Variants in LINGO2 observed in about 807,000 individuals in gnomAD.
The protein encoded by LINGO2 is leucine rich repeat and Ig domain containing 2, also known as leucine-rich repeat and immunoglobulin-like domain-containing nogo receptor-interacting protein 2.
A neutral mutation model predicts 30.6 loss-of-function variants in LINGO2; 14 were observed. The ratio of observed to expected loss-of-function variants is 0.46; its 90% CI spans 0.30 to 0.72. The LOEUF is 0.72. Among genes scored for constraint, LINGO2 ranks in the 30% least tolerant of loss-of-function variants. The pLI is 0.07. For missense variants in LINGO2, 729 were observed against 751.7 expected (o/e 0.97, Z 0.35); for synonymous variants, 317 against 288.5 (o/e 1.10, Z -1.00).
the LINGO2 span, among the ~76,000 whole-genome samples, chr9:29,107,095 T>C: frequency 2.0e-5 from 3 of 152,168 alleles, no homozygotes; most frequent in Non-Finnish European, 4.4e-5. Context: ...TAATCACTAA[T>C]TGCTTTATAT....
At chr9:28,350,812 G>C (rs1478008308) in intron 3 of LINGO2, among the ~76,000 whole-genome samples, 1,722 of 151,202 alleles carry the variant, frequency 0.011, 36 homozygotes, top group African/African-American at 0.04. Flanking sequence ...TCAGACCACA[G>C]TGCAATCAAA....
the LINGO2 span, among the ~76,000 whole-genome samples, chr9:29,104,473 T>C: frequency 5.3e-5 from 8 of 152,144 alleles, no homozygotes; most frequent in Non-Finnish European, 7.4e-5. Flanking sequence ...ATGCTTCCTG[T>C]ACAGCCTGCA....
chr9:28,831,914 C>T, the LINGO2 span, among the ~76,000 whole-genome samples: 2 of 152,096 alleles, frequency 1.3e-5, no homozygotes, highest in African/African-American at 4.8e-5. Flanking sequence ...TTATTTGACT[C>T]TTCTATTCTA....
chr9:28,111,489 G>C (rs1457053045), intron 4 of LINGO2, among the ~76,000 whole-genome samples: 1 of 151,998 alleles, frequency 6.6e-6, no homozygotes, highest in Non-Finnish European at 1.5e-5. Flanking sequence ...AGAAAAAAAG[G>C]CTCTAGGAAA....
chr9:29,130,948 C>A, the LINGO2 span, among the ~76,000 whole-genome samples: 1 of 152,108 alleles, frequency 6.6e-6, no homozygotes, highest in East Asian at 1.9e-4. Context: ...CCATCCGTCA[C>A]AACACATGTG....
chr9:29,139,318 A>G, the LINGO2 span, among the ~76,000 whole-genome samples: 1 of 152,188 alleles, frequency 6.6e-6, no homozygotes, highest in African/African-American at 2.4e-5. Context: ...TGGCATGCCC[A>G]GGTTCCTGGC....
At chr9:28,478,094 A>T (rs1825797705) in intron 1 of LINGO2, among the ~76,000 whole-genome samples, 1 of 152,192 alleles carries the variant, frequency 6.6e-6, no homozygotes, top group African/African-American at 2.4e-5. Context: ...GCCATGTTTT[A>T]ATTTATCTGT....
chr9:28,733,270 C>T, the LINGO2 span, among the ~76,000 whole-genome samples: 4 of 151,778 alleles, frequency 2.6e-5, no homozygotes, highest in African/African-American at 9.7e-5. Context: ...TTATTTTTTC[C>T]TTATGTCTTT....
intron 4 of LINGO2, among the ~76,000 whole-genome samples, chr9:28,263,456 T>C (rs533814146): frequency 5.9e-5 from 9 of 151,994 alleles, no homozygotes; most frequent in Non-Finnish European, 1.0e-4. Context: ...GACGTGTACA[T>C]GAGAAAGCAG....
intron 5 of LINGO2, among the ~76,000 whole-genome samples, chr9:28,009,268 A>T (rs1158760917): frequency 6.6e-6 from 1 of 151,980 alleles, no homozygotes; most frequent in Non-Finnish European, 1.5e-5. Flanking sequence ...TAGACAAACT[A>T]TGAGGCTCTT....
chr9:28,902,167 G>GA, the LINGO2 span, among the ~76,000 whole-genome samples: 4 of 152,056 alleles, frequency 2.6e-5, no homozygotes, highest in African/African-American at 9.7e-5. Context: ...GAAGAGATAG[G>GA]AAAAAATATT....
chr9:28,594,418 C>A (rs1216151527), intron 1 of LINGO2, among the ~76,000 whole-genome samples: 2 of 152,128 alleles, frequency 1.3e-5, no homozygotes, highest in East Asian at 3.9e-4. Flanking sequence ...TTTAGAGATT[C>A]TTTCTTGCTT....
At chr9:28,707,704 T>C in the LINGO2 span, among the ~76,000 whole-genome samples, 3 of 152,014 alleles carry the variant, frequency 2.0e-5, no homozygotes, top group Non-Finnish European at 4.4e-5. Context: ...TCTGGTCTGT[T>C]TGGAGGCCTA....
In LINGO2 at chr9:28,420,216, T is replaced by C. The variant is rs552757725; in HGVS notation, c.-278-47348A>G. Among the ~76,000 whole-genome samples the C allele has an allele frequency of 2.6e-5, 4 of 152,214 alleles. No homozygotes were observed. The East Asian group carries it at 7.7e-4, about 29-fold the overall frequency. On this transcript the variant is annotated intron_variant, in intron 2 of 5. Transcript: ENST00000379992. The stretch of plus-strand genomic sequence containing the variant: ...AAAATAAATCTGCATTTCCAAATAC[T>C]CTAGAAGTAATATTTCTTACTGTAA...
the LINGO2 span, among the ~76,000 whole-genome samples, chr9:29,158,956 C>G: frequency 6.6e-6 from 1 of 152,152 alleles, no homozygotes; most frequent in East Asian, 1.9e-4. Context: ...GAAAGAGAAG[C>G]CTTCATAGAT....
intron 4 of LINGO2, among the ~76,000 whole-genome samples, chr9:28,222,487 G>T (rs1013651422): frequency 1.3e-5 from 2 of 151,474 alleles, no homozygotes; most frequent in Admixed American, 6.6e-5. Flanking sequence ...GTTCCCAGCT[G>T]CTCACCTTAA....
intron 4 of LINGO2, among the ~76,000 whole-genome samples, chr9:28,251,963 C>G (rs1424100671): frequency 6.6e-6 from 1 of 152,158 alleles, no homozygotes; most frequent in South Asian, 2.1e-4. Flanking sequence ...TTGATTCTTA[C>G]ATGTTCTACC....
At chr9:29,135,324 C>A in the LINGO2 span, among the ~76,000 whole-genome samples, 3 of 152,004 alleles carry the variant, frequency 2.0e-5, no homozygotes, top group African/African-American at 7.2e-5. Flanking sequence ...CTTTTGGAGG[C>A]CAAAGCGAGC....
the LINGO2 span, among the ~76,000 whole-genome samples, chr9:28,897,208 C>T: frequency 6.6e-6 from 1 of 152,098 alleles, no homozygotes; most frequent in Non-Finnish European, 1.5e-5. Flanking sequence ...AAACTCATCT[C>T]CATTAGTAAA....
Sources: allele counts gnomAD v4.1 joint callset (sites outside exome capture counted in the v4.1 genomes callset), GRCh38; gene constraint gnomAD v4.1.1; transcripts MANE v1.5; gene names NCBI Gene and HGNC (gene_info 2026-07-23, HGNC 2026-07-21).